Variants in THSD7A observed in about 807,000 individuals in gnomAD.
THSD7A encodes the protein thrombospondin type-1 domain-containing protein 7A.
Under a neutral mutation model 231.3 loss-of-function variants are expected in THSD7A, and 96 were observed. The ratio of observed to expected loss-of-function variants is 0.41; its 90% CI spans 0.35 to 0.49. The LOEUF (loss-of-function observed/expected upper bound fraction) is 0.49, where lower values mean the gene tolerates loss of function less well. Ranked by LOEUF, THSD7A falls within the 20% of genes least tolerant of loss-of-function variation. The pLI is 0.05. For synonymous variants in THSD7A, 940 were observed against 743.3 expected (o/e 1.26, Z -4.30); for missense variants, 2,290 against 2,070.2 (o/e 1.11, Z -2.06).
chr7:11,444,062 C>G lies in THSD7A; in HGVS notation c.3064+1999G>C, dbSNP rs1375287617. On this transcript the variant is annotated intron_variant, in intron 13 of 27. Coordinates refer to ENST00000423059, the MANE Select transcript of THSD7A (RefSeq NM_015204.3). The surrounding 1 kb of genome is among the most constrained non-coding windows in gnomAD (Gnocchi z 4.2). Reference sequence around the variant, plus strand: ...ACATATGAAAAAAAGCTCATCATCACTGGTCATTAGAGAAATGCAAATCAA... The same window carrying G: ...ACATATGAAAAAAAGCTCATCATCAGTGGTCATTAGAGAAATGCAAATCAA... Among the ~76,000 whole-genome samples, 1 of 152,092 alleles carries G rather than the reference C, an allele frequency of 6.6e-6. No homozygotes were observed. The highest frequency in any genetic ancestry group is 2.4e-5 in the African/African-American group (1 of 41,422).
chr7:11,415,786 G>C (rs546029759), intron 17 of THSD7A, among the ~76,000 whole-genome samples: 15 of 152,136 alleles, frequency 9.9e-5, no homozygotes, highest in Non-Finnish European at 2.1e-4. Context: ...GTGTCCTAAA[G>C]CTGGCTTATT....
At chr7:11,461,787 C>T (rs944085842) in intron 10 of THSD7A, among the ~76,000 whole-genome samples, 12 of 152,190 alleles carry the variant, frequency 7.9e-5, no homozygotes, top group African/African-American at 2.2e-4. Context: ...GGAGCTAACA[C>T]GTCACCTTGG....
At chr7:11,506,428 C>A (rs942737917) in intron 6 of THSD7A, among the ~76,000 whole-genome samples, 4 of 152,214 alleles carry the variant, frequency 2.6e-5, no homozygotes, top group African/African-American at 9.6e-5. Flanking sequence ...CCTGATGGTT[C>A]CATGACTGAT....
intron 23 of THSD7A, among the ~76,000 whole-genome samples, chr7:11,395,836 A>G (rs1273644945): frequency 1.3e-5 from 2 of 151,972 alleles, no homozygotes; most frequent in African/African-American, 4.8e-5. Flanking sequence ...CAGAATATAC[A>G]CTCTTCTCAG....
intron 1 of THSD7A, among the ~76,000 whole-genome samples, chr7:11,646,737 C>T (rs1367601691): frequency 2.0e-5 from 3 of 151,976 alleles, no homozygotes; most frequent in Non-Finnish European, 2.9e-5. Context: ...CACTCTATCT[C>T]AGGGAACTTT....
rs1428013389 is a variant in THSD7A at position 11,637,691 on chromosome 7, A to G, written c.191-730T>C. The stretch of plus-strand genomic sequence containing the variant: ...TCATTGAGAGGTTATTTGGGGTCTT[A>G]TTTATTTATTCATTTCTTAAACATG... On this transcript the variant is annotated intron_variant, in intron 1 of 27. Coordinates refer to ENST00000423059, the MANE Select transcript of THSD7A (RefSeq NM_015204.3). This position sits in a 1 kb window ranked among gnomAD's most constrained non-coding sequence, Gnocchi z 4.2. Among the ~76,000 whole-genome samples, 1 of 152,128 alleles carries G rather than the reference A, an allele frequency of 6.6e-6. No individual in the cohort carries two copies. Among genetic ancestry groups the G allele is most frequent in the African/African-American group, 2.4e-5 (1 of 41,446 alleles).
At chr7:11,661,787 T>C (rs528278568) in intron 1 of THSD7A, among the ~76,000 whole-genome samples, 1 of 151,362 alleles carries the variant, frequency 6.6e-6, no homozygotes, top group Admixed American at 6.6e-5. Flanking sequence ...GAATATTGAA[T>C]GCATAAAGCA....
chr7:11,522,153 G>A (rs746804979), intron 6 of THSD7A, among the ~76,000 whole-genome samples: 14 of 152,242 alleles, frequency 9.2e-5, no homozygotes, highest in Non-Finnish European at 1.8e-4. Context: ...GTGGTAAAGA[G>A]CAGAGCTGTT....
At chr7:11,514,138 C>G (rs550199179) in intron 6 of THSD7A, among the ~76,000 whole-genome samples, 2 of 152,050 alleles carry the variant, frequency 1.3e-5, no homozygotes, top group African/African-American at 4.8e-5. Flanking sequence ...ATTCCACCTC[C>G]GAGAGGCTCT....
At chr7:11,696,590 C>A (rs1780408301) in intron 1 of THSD7A, among the ~76,000 whole-genome samples, 1 of 151,152 alleles carries the variant, frequency 6.6e-6, no homozygotes, top group African/African-American at 2.4e-5. Context: ...CTCGCCTATC[C>A]CCCTCCCCCC....
In THSD7A at chr7:11,732,219, A is replaced by G. The variant is rs565049904; in HGVS notation, c.191-95258T>C. ...GTATTTTTATTTTAATAGAAGATCC[A>G]CACAACACCCTTTGGTTATCCTACT... On this transcript the variant is annotated intron_variant, in intron 1 of 27. Coordinates refer to ENST00000423059, the MANE Select transcript of THSD7A (RefSeq NM_015204.3). Among the ~76,000 whole-genome samples, 8 of 151,894 alleles carry G rather than the reference A, an allele frequency of 5.3e-5. No individual in the cohort carries two copies. The South Asian group carries it at 1.7e-3, about 31-fold the overall frequency.
intron 6 of THSD7A, among the ~76,000 whole-genome samples, chr7:11,517,041 T>A (rs17633604): frequency 6.6e-6 from 1 of 152,192 alleles, no homozygotes; most frequent in African/African-American, 2.4e-5. Flanking sequence ...ATAGGTCCAA[T>A]TGTTTAAGCA....
chr7:11,638,222 C>G (rs1395489658), intron 1 of THSD7A, among the ~76,000 whole-genome samples: 1 of 152,150 alleles, frequency 6.6e-6, no homozygotes, highest in Non-Finnish European at 1.5e-5. Flanking sequence ...TAAAGTAGGT[C>G]AATGGATTCG....
intron 2 of THSD7A, among the ~76,000 whole-genome samples, chr7:11,612,283 C>G (rs1399600270): frequency 1.3e-5 from 2 of 152,150 alleles, no homozygotes; most frequent in Admixed American, 6.5e-5. Context: ...CCACCACCAC[C>G]AAAGTAATCA....
intron 13 of THSD7A, among the ~76,000 whole-genome samples, chr7:11,437,257 G>A (rs1293636451): frequency 1.3e-5 from 2 of 152,036 alleles, no homozygotes; most frequent in African/African-American, 4.8e-5. Flanking sequence ...GACATGAATG[G>A]CAGCTGCAGG....
chr7:11,552,362 A>G (rs1028516661), intron 4 of THSD7A, among the ~76,000 whole-genome samples: 7 of 152,068 alleles, frequency 4.6e-5, no homozygotes, highest in African/African-American at 1.7e-4. Flanking sequence ...TTAAACAAGT[A>G]AAAAAAGGAA....
Position 11,593,230 on chromosome 7 carries a change from C to A in THSD7A, c.1271+24G>T, listed in dbSNP as rs556708752. On this transcript the variant is annotated intron_variant, in intron 3 of 27. Transcript: ENST00000423059. ...TGAGCAAATGTAGTTTCGGCAGACG[C>A]TATACCCTTCTTTATTTACTCACGT... 5 of 1,612,134 alleles carry A rather than the reference C, an allele frequency of 3.1e-6. No individual in the cohort carries two copies. The African/African-American group carries it at 4.0e-5, about 13-fold the overall frequency.
rs1345345369 is a variant in THSD7A, at chr7:11,632,674, G to A, written c.1022+3456C>T. Among the ~76,000 whole-genome samples, 1 of 152,040 alleles carries A rather than the reference G, an allele frequency of 6.6e-6. No individual in the cohort carries two copies. Among genetic ancestry groups the A allele is most frequent in the Non-Finnish European group, 1.5e-5 (1 of 67,994 alleles). On this transcript the variant is annotated intron_variant, in intron 2 of 27. Coordinates refer to ENST00000423059, the MANE Select transcript of THSD7A (RefSeq NM_015204.3). The surrounding 1 kb of genome is among the most constrained non-coding windows in gnomAD (Gnocchi z 4.1). ...TTACTTTAAAGAGAATGCTTCTAAT[G>A]TTTCACAGTTGAGCACCGTCCCAGC...
intron 17 of THSD7A, among the ~76,000 whole-genome samples, chr7:11,415,872 G>C (rs1321411455): frequency 6.6e-6 from 1 of 152,100 alleles, no homozygotes; most frequent in African/African-American, 2.4e-5. Context: ...AACCAATCTA[G>C]CTGTTTCTGA....
Sources: allele counts gnomAD v4.1 joint callset (sites outside exome capture counted in the v4.1 genomes callset), GRCh38; gene constraint gnomAD v4.1.1; non-coding constraint Gnocchi (gnomAD v3.1); transcripts MANE v1.5; gene names NCBI Gene and HGNC (gene_info 2026-07-23, HGNC 2026-07-21).